Variants in BICRAL observed in about 807,000 individuals in gnomAD.
The protein encoded by BICRAL is BICRA like chromatin remodeling complex associated protein, also known as BRD4-interacting chromatin-remodeling complex-associated protein-like.
A neutral mutation model predicts 91.8 loss-of-function variants in BICRAL; 8 were observed. That is an observed-to-expected ratio of 0.09 (90% CI 0.05 to 0.16). The LOEUF (loss-of-function observed/expected upper bound fraction) is 0.16, where lower values mean the gene tolerates loss of function less well. Among genes scored for constraint, BICRAL ranks in the 10% least tolerant of loss-of-function variants. The pLI is 1.00. For missense variants in BICRAL, 1,038 were observed against 1,310.9 expected (o/e 0.79, Z 3.21); for synonymous variants, 445 against 491.1 (o/e 0.91, Z 1.24).
rs571093799 is a variant in BICRAL, at chr6:42,806,978, C to T, written c.-101-3328C>T. Among the ~76,000 whole-genome samples the T allele has an allele frequency of 2.6e-5, 4 of 151,678 alleles. No homozygotes were observed. In the South Asian group the frequency reaches 8.3e-4, roughly 32 times the overall value. ...CCCAAGTAGCTGGGATTACAGGTAC[C>T]CGTCAACAGTCCTGGCTAATTTTTG... On this transcript the variant is annotated intron_variant, in intron 1 of 12. Coordinates refer to ENST00000314073, the MANE Select transcript of BICRAL (RefSeq NM_001393499.1).
intron 1 of BICRAL, among the ~76,000 whole-genome samples, chr6:42,803,638 A>C (rs1331062654): frequency 6.6e-6 from 1 of 152,240 alleles, no homozygotes; most frequent in Non-Finnish European, 1.5e-5. Context: ...CAGGCATTGC[A>C]CTAAACTCTG....
chr6:42,862,176 A>T (rs1765572894), intron 11 of BICRAL, among the ~76,000 whole-genome samples: 1 of 152,116 alleles, frequency 6.6e-6, no homozygotes, highest in Admixed American at 6.6e-5. Context: ...AGGAGAAAAA[A>T]ATACAGAACA....
chr6:42,856,301 A>G (rs62416288), intron 9 of BICRAL, among the ~76,000 whole-genome samples: 1,810 of 150,430 alleles, frequency 0.012, 14 homozygotes, highest in Non-Finnish European at 0.019. Context: ...TGGGTGACAG[A>G]GCAAGACCCT....
At chr6:42,761,016 A>G (rs944001065) in intron 1 of BICRAL, among the ~76,000 whole-genome samples, 11 of 151,002 alleles carry the variant, frequency 7.3e-5, no homozygotes, top group African/African-American at 2.7e-4. Flanking sequence ...ACTGCATTTC[A>G]GCCTGGGTGA....
In BICRAL at chr6:42,830,097, A is replaced by G; in HGVS notation, c.1764A>G (p.Pro588=). ...CAGTCAGTGTGTCTCATCGTCTTCCAGTTTCTTCTTCCAAGTCTACCAGCA... is the reference window on the plus strand; with the variant it reads ...CAGTCAGTGTGTCTCATCGTCTTCCGGTTTCTTCTTCCAAGTCTACCAGCA... ...PVPVSVSHRL[P]VSSSKSTSTF... Residue 588 remains proline (P), a synonymous_variant, in exon 6 of 13, where the codon CCA becomes CCG. Transcript: ENST00000314073. 1 of 1,614,144 alleles carries G rather than the reference A, an allele frequency of 6.2e-7. No homozygotes were observed.
rs1279938971 is a variant in BICRAL, at chr6:42,866,799, T to A, written c.*1353T>A. 2.2e-6 allele frequency: 1 copy of A among 456,522 alleles called. No homozygotes were observed. The highest frequency in any genetic ancestry group is 2.3e-5 in the Admixed American group (1 of 42,572). 28.3% of individuals were successfully genotyped at this position (456,522 alleles called of 1,614,324 possible). On this transcript the variant is annotated 3_prime_UTR_variant, in exon 13 of 13. Coordinates refer to ENST00000314073, the MANE Select transcript of BICRAL (RefSeq NM_001393499.1). Reference sequence around the variant, plus strand: ...GAGTATTCTCCGTTTTCCTTTCTCGTATACCTGCCCCAGGTTATCCCATTT... The same window carrying A: ...GAGTATTCTCCGTTTTCCTTTCTCGAATACCTGCCCCAGGTTATCCCATTT...
chr6:42,814,119 G>C (rs1434415266), intron 2 of BICRAL, among the ~76,000 whole-genome samples: 1 of 151,368 alleles, frequency 6.6e-6, no homozygotes, highest in Non-Finnish European at 1.5e-5. Flanking sequence ...GCACCTTTTA[G>C]AGGTAAATTT....
At chr6:42,769,956 C>T (rs1762694222) in intron 1 of BICRAL, among the ~76,000 whole-genome samples, 1 of 152,140 alleles carries the variant, frequency 6.6e-6, no homozygotes, top group African/African-American at 2.4e-5. Context: ...AAAAGCTGGT[C>T]ACAGTCTCAT....
Position 42,797,437 on chromosome 6 carries a change from G to GA in BICRAL, c.-101-12859dup, listed in dbSNP as rs376863451. Among the ~76,000 whole-genome samples the GA allele has an allele frequency of 4.0e-4, 60 of 148,542 alleles. No individual in the cohort carries two copies. In the South Asian group the frequency reaches 0.01, roughly 25 times the overall value. ...GCAAGGAGTGATTTGACTTAAAAAG[G>GA]AAAAAAAAAAGTTATAGTCAATAAC... is the stretch of plus-strand genomic sequence containing the variant. On this transcript the variant is annotated intron_variant, in intron 1 of 12. Coordinates refer to ENST00000314073, the MANE Select transcript of BICRAL (RefSeq NM_001393499.1).
intron 1 of BICRAL, among the ~76,000 whole-genome samples, chr6:42,802,421 GTT>G (rs370280741): frequency 0.22 from 33,323 of 149,738 alleles, 4,168 homozygotes; most frequent in South Asian, 0.3. Flanking sequence ...AGCTTTTCGT[GTT>G]TTTTTTTGTT....
At chr6:42,822,895 G>A (rs371991695) in intron 4 of BICRAL, 40 bp from the exon 5 acceptor site, 4 of 1,525,390 alleles carry the variant, frequency 2.6e-6, no homozygotes, top group Non-Finnish European at 3.6e-6. Flanking sequence ...CTGCTTTACA[G>A]TTAAAGTAGT....
chr6:42,815,819 C>G (rs1304673320), intron 2 of BICRAL, among the ~76,000 whole-genome samples: 2 of 150,724 alleles, frequency 1.3e-5, no homozygotes, highest in African/African-American at 2.4e-5. Context: ...GAAACCCTGT[C>G]TCTACTAAAA....
At position 42,818,589 on chromosome 6, in the gene BICRAL, T is replaced by C. The variant is rs1764057959; in HGVS notation, c.-5-3429T>C. ...GCTTTGCACTTTATGTCGTTGACTT[T>C]GTCAGTCTTTTATGACTTGTGTGTC... On this transcript the variant is annotated intron_variant, in intron 2 of 12. Transcript: ENST00000314073. 3.3e-5 allele frequency among the ~76,000 whole-genome samples: 5 copies of C among 152,310 alleles called. No individual in the cohort carries two copies. In the South Asian group the frequency reaches 1.0e-3, roughly 32 times the overall value.
intron 1 of BICRAL, among the ~76,000 whole-genome samples, chr6:42,755,826 C>T (rs1258623396): frequency 6.6e-6 from 1 of 152,120 alleles, no homozygotes; most frequent in Admixed American, 6.5e-5. Flanking sequence ...CACGCCGCCA[C>T]GCCCGGCTAA....
intron 11 of BICRAL, among the ~76,000 whole-genome samples, chr6:42,860,607 C>T (rs1352951974): frequency 2.0e-5 from 3 of 152,134 alleles, no homozygotes; most frequent in Non-Finnish European, 2.9e-5. Flanking sequence ...GTAACTTGCT[C>T]GAGAACAGAT....
At chr6:42,841,950 A>G (rs987583553) in intron 6 of BICRAL, among the ~76,000 whole-genome samples, 8 of 152,094 alleles carry the variant, frequency 5.3e-5, no homozygotes, top group Non-Finnish European at 1.2e-4. Context: ...AGGCTTTAAG[A>G]GAGACTAGAA....
At chr6:42,799,415 C>T (rs976879108) in intron 1 of BICRAL, among the ~76,000 whole-genome samples, 5 of 151,748 alleles carry the variant, frequency 3.3e-5, no homozygotes, top group African/African-American at 4.8e-5. Flanking sequence ...TCTCCTGCCT[C>T]AGTCTCCTGG....
At chr6:42,765,967 T>C (rs1024890348) in intron 1 of BICRAL, among the ~76,000 whole-genome samples, 1 of 152,090 alleles carries the variant, frequency 6.6e-6, no homozygotes, top group Non-Finnish European at 1.5e-5. Flanking sequence ...TCCAGTGCTT[T>C]TTGTTTTTGT....
intron 6 of BICRAL, 129 bp downstream of exon 6, chr6:42,830,301 C>T (rs1764437146): frequency 2.2e-6 from 2 of 927,350 alleles, no homozygotes; most frequent in Non-Finnish European, 3.2e-6. Context: ...TGTAGTGGCT[C>T]ATGCCTGTAA....
Sources: allele counts gnomAD v4.1 joint callset (sites outside exome capture counted in the v4.1 genomes callset), GRCh38; gene constraint gnomAD v4.1.1; transcripts MANE v1.5; gene names NCBI Gene and HGNC (gene_info 2026-07-23, HGNC 2026-07-21).